Variants in CMYA5 observed in about 807,000 individuals in gnomAD.
The protein encoded by CMYA5 is cardiomyopathy associated 5.
In CMYA5, 246 loss-of-function variants were observed where a neutral mutation model predicts 318.9. That is an observed-to-expected ratio of 0.77 (90% CI 0.70 to 0.86). CMYA5 has a LOEUF of 0.86. CMYA5 is among the 40% of genes least tolerant of loss of function. The pLI is 0.00. For missense variants in CMYA5, 4,589 were observed against 4,678.2 expected (o/e 0.98, Z 0.56); for synonymous variants, 1,641 against 1,729.5 (o/e 0.95, Z 1.27).
chr5:79,795,641 C>T (rs948781584), intron 12 of CMYA5, among the ~76,000 whole-genome samples: 2 of 152,244 alleles, frequency 1.3e-5, no homozygotes, highest in Admixed American at 6.5e-5. Flanking sequence ...CAAACATCTA[C>T]AGTGGTGTCA....
At chr5:79,761,395 A>C (rs1828648711) in intron 7 of CMYA5, among the ~76,000 whole-genome samples, 1 of 152,192 alleles carries the variant, frequency 6.6e-6, no homozygotes, top group Admixed American at 6.5e-5. Flanking sequence ...ATGTTTAAAA[A>C]CCATGAAGTT....
chr5:79,761,991 A>G, intron 8 of CMYA5, 34 bp downstream of exon 8: 1 of 1,594,818 alleles, frequency 6.3e-7, no homozygotes, highest in Non-Finnish European at 8.5e-7. Flanking sequence ...GCATTAGAAG[A>G]CAACGCTCAG....
At chr5:79,756,822 A>G (rs1828538943) in intron 6 of CMYA5, among the ~76,000 whole-genome samples, 1 of 152,116 alleles carries the variant, frequency 6.6e-6, no homozygotes, top group African/African-American at 2.4e-5. Flanking sequence ...TTTGGCCCAT[A>G]TTATTAATAT....
chr5:79,726,909 A>ATTTTTTTGTTTTTTTTTTTTTTTTTT (rs1827758810), intron 1 of CMYA5, among the ~76,000 whole-genome samples: 1 of 96,040 alleles, frequency 1.0e-5, no homozygotes, highest in East Asian at 4.0e-4. Flanking sequence ...TAGGCCAGTG[A>ATTTTTTTGTTTTTTTTTTTTTTTTTT]TTTTTTTTTT....
rs1554097867 is a variant in CMYA5 at position 79,698,297 on chromosome 5, T to TGAAAAAC, written c.149+8241_149+8242insGAAAAAC. Among the ~76,000 whole-genome samples, 9 of 134,476 alleles carry TGAAAAAC rather than the reference T, an allele frequency of 6.7e-5. No homozygotes were observed. In the East Asian group the frequency reaches 1.6e-3, roughly 24 times the overall value. 88.2% of individuals were successfully genotyped at this position (134,476 alleles called of 152,430 possible). Reference sequence around the variant, plus strand: ...GGGCATAAATCAGGTTACATTGCATTAAAAAACAAAAAACAAAAACAAAAA... The same window carrying TGAAAAAC: ...GGGCATAAATCAGGTTACATTGCATTGAAAAACAAAAAACAAAAAACAAAAACAAAAA... On this transcript the variant is annotated intron_variant, in intron 1 of 12. Coordinates refer to ENST00000446378, the MANE Select transcript of CMYA5 (RefSeq NM_153610.5).
chr5:79,716,992 C>G (rs988001718), intron 1 of CMYA5, among the ~76,000 whole-genome samples: 2 of 152,156 alleles, frequency 1.3e-5, no homozygotes, highest in African/African-American at 4.8e-5. Context: ...TAGTGCCTAC[C>G]TAGTACATAA....
rs1221200171 is a variant in CMYA5, at chr5:79,738,269, C to G, written c.9504C>G (p.Thr3168=). 6.2e-7 allele frequency: 1 copy of G among 1,613,402 alleles called. No homozygotes were observed. The highest frequency in any genetic ancestry group is 8.5e-7 in the Non-Finnish European group (1 of 1,179,750). ...CAGAGGAAGGAGTTCTATCACGAAC[C>G]CAGATATTTCCTACCACTATTAAAG... ...FEAEEGVLSR[T]QIFPTTIKVI... The change falls in exon 2 of 13, where the codon ACC becomes ACG. Residue 3168 remains threonine (T), a synonymous_variant. Transcript: ENST00000446378.
At chr5:79,698,250 C>T (rs139124495) in intron 1 of CMYA5, among the ~76,000 whole-genome samples, 4 of 151,942 alleles carry the variant, frequency 2.6e-5, no homozygotes, top group African/African-American at 9.7e-5. Context: ...CAATAAATCC[C>T]CTAGTCATCC....
intron 1 of CMYA5, among the ~76,000 whole-genome samples, chr5:79,713,393 A>C (rs1289408704): frequency 6.6e-6 from 1 of 150,390 alleles, no homozygotes; most frequent in Non-Finnish European, 1.5e-5. Flanking sequence ...GACCACAAAT[A>C]ATTGAGTTTC....
At position 79,717,912 on chromosome 5, in the gene CMYA5, G is replaced by T. The variant is rs541759872; in HGVS notation, c.150-11003G>T. On this transcript the variant is annotated intron_variant, in intron 1 of 12. Coordinates refer to ENST00000446378, the MANE Select transcript of CMYA5 (RefSeq NM_153610.5). The stretch of plus-strand genomic sequence containing the variant: ...TTTTTTTTTTTTTTTTTTTTGAGAC[G>T]GAGTCTCGCTCTGTCGCCCAGGCTG... Among the ~76,000 whole-genome samples, 55 of 40,044 alleles carry T rather than the reference G, an allele frequency of 1.4e-3. 15 individuals are homozygous for T. In the African/African-American group the frequency reaches 0.015, roughly 11 times the overall value. 26.3% of individuals were successfully genotyped at this position (40,044 alleles called of 152,430 possible).
intron 3 of CMYA5, among the ~76,000 whole-genome samples, chr5:79,744,349 T>C (rs1175160422): frequency 6.6e-6 from 1 of 152,208 alleles, no homozygotes; most frequent in Admixed American, 6.5e-5. Context: ...CAGTGTCCCA[T>C]GCCCAGGGCC....
chr5:79,776,627 A>G (rs1828943904), intron 9 of CMYA5, among the ~76,000 whole-genome samples: 1 of 152,170 alleles, frequency 6.6e-6, no homozygotes, highest in Non-Finnish European at 1.5e-5. Flanking sequence ...CAGAAGATCT[A>G]ATATGCCCAG....
At chr5:79,789,760 A>C (rs1041505621) in intron 10 of CMYA5, among the ~76,000 whole-genome samples, 17 of 152,074 alleles carry the variant, frequency 1.1e-4, no homozygotes, top group Admixed American at 7.2e-4. Context: ...ACAATGTGTT[A>C]TAATTTGTGG....
chr5:79,750,859 G>GA (rs1336748566), intron 5 of CMYA5, among the ~76,000 whole-genome samples: 4 of 152,124 alleles, frequency 2.6e-5, no homozygotes, highest in Non-Finnish European at 5.9e-5. Context: ...GTGCATAAGG[G>GA]AAAACTCTAA....
Position 79,758,796 on chromosome 5 carries a change from C to T in CMYA5, c.11154C>T (p.Ala3718=). 1.2e-6 allele frequency: 2 copies of T among 1,600,160 alleles called. No homozygotes were observed. Among genetic ancestry groups the T allele is most frequent in the African/African-American group, 1.3e-5 (1 of 74,412 alleles). Residue 3718 remains alanine, a synonymous_variant, in exon 7 of 13, where the codon GCC becomes GCT. Coordinates refer to ENST00000446378, the MANE Select transcript of CMYA5 (RefSeq NM_153610.5). Reference sequence around the variant, plus strand: ...TAGAACCTCAGGAACCAAATTCTGCCACCAGCACAACAATTGCAGTTTACT... The same window carrying T: ...TAGAACCTCAGGAACCAAATTCTGCTACCAGCACAACAATTGCAGTTTACT... ...PRLEPQEPNS[A]TSTTIAVYWS...
Position 79,696,066 on chromosome 5 carries a change from C to T in CMYA5, c.149+6010C>T, listed in dbSNP as rs552146625. 1.1e-3 allele frequency among the ~76,000 whole-genome samples: 174 copies of T among 152,298 alleles called. 1 individual carries two copies. In the Middle Eastern group the frequency reaches 0.017, roughly 15 times the overall value. ...AGTAAAGGGCAAGCCTTCCAGACTTCTACAAGAAGCAAGTTTAGTTGGAAT... is the reference window on the plus strand; with the variant it reads ...AGTAAAGGGCAAGCCTTCCAGACTTTTACAAGAAGCAAGTTTAGTTGGAAT... On this transcript the variant is annotated intron_variant, in intron 1 of 12. Transcript: ENST00000446378.
chr5:79,737,483 A>G lies in CMYA5; in HGVS notation c.8718A>G (p.Lys2906=), dbSNP rs2278239. Residue 2906 remains lysine, a synonymous_variant, in exon 2 of 13, where the codon AAA becomes AAG. Coordinates refer to ENST00000446378, the MANE Select transcript of CMYA5 (RefSeq NM_153610.5). ...ATACATCAGCAAGCAATGCTGATAA[A>G]ATGGTTTCTAATAAAGAAATGCCCA... ...ISNTSASNAD[K]MVSNKEMPKE... 12 of 1,613,368 alleles carry G rather than the reference A, an allele frequency of 7.4e-6. No homozygotes were observed. The Admixed American group carries it at 1.5e-4, about 20-fold the overall frequency.
Position 79,732,111 on chromosome 5 carries a change from C to T in CMYA5, c.3346C>T (p.Gln1116Ter), listed in dbSNP as rs367809172. Residue 1116 changes from glutamine to a stop codon, truncating the protein, a stop_gained, in exon 2 of 13, where the codon CAA (glutamine) becomes TAA (stop). Transcript: ENST00000446378. LOFTEE classifies it high-confidence loss of function. ...YLILAQKQKT[Q>*]AYLEPESEDL... is the part of the protein sequence containing the mutation. ...CATTTTGGCACAGAAGCAGAAAACT[C>T]AAGCATATTTAGAGCCTGAGTCTGA... 3.1e-6 allele frequency: 5 copies of T among 1,613,838 alleles called. No individual in the cohort carries two copies. The highest frequency in any genetic ancestry group is 4.2e-6 in the Non-Finnish European group (5 of 1,179,872).
At chr5:79,721,341 A>G (rs986903797) in intron 1 of CMYA5, among the ~76,000 whole-genome samples, 1 of 152,044 alleles carries the variant, frequency 6.6e-6, no homozygotes, top group African/African-American at 2.4e-5. Flanking sequence ...ATAAAAAAAC[A>G]AAATAAGGCA....
Sources: gnomAD v4.1 joint callset for allele counts (sites outside exome capture counted in the v4.1 genomes callset) on GRCh38, gnomAD v4.1.1 for gene constraint, MANE v1.5 for transcripts, NCBI Gene and HGNC (gene_info 2026-07-23, HGNC 2026-07-21) for gene names.